The following SLC25A26 variants were observed in gnomAD, a reference collection of about 807,000 sequenced individuals.
SLC25A26 encodes mitochondrial S-adenosylmethionine carrier protein.
Under a neutral mutation model 37.8 loss-of-function variants are expected in SLC25A26, and 36 were observed. That is an observed-to-expected ratio of 0.95 (90% CI 0.73 to 1.26). The LOEUF is 1.26. SLC25A26 is among the 50% of genes most tolerant of loss of function. SLC25A26 has a pLI of 0.00. For missense variants in SLC25A26, 390 were observed against 331.1 expected, an observed-to-expected ratio of 1.18 and a Z score of -1.38; for synonymous variants, 129 against 122.5, an observed-to-expected ratio of 1.05 and a Z score of -0.35.
chr3:66,197,263 T>A (rs992780125), intron 1 of SLC25A26, among the ~76,000 whole-genome samples: 2 of 152,120 alleles, frequency 1.3e-5, no homozygotes, highest in African/African-American at 4.8e-5. Flanking sequence ...ATCGGTCAGA[T>A]TCAGGGTGAA....
At chr3:66,371,945 A>G (rs7631431) in intron 9 of SLC25A26, among the ~76,000 whole-genome samples, 37,765 of 151,988 alleles carry the variant, frequency 0.25, 4,852 homozygotes, top group Admixed American at 0.31. Flanking sequence ...AAATAAATAA[A>G]TAAATTAGCC....
chr3:66,299,086 A>G (rs1432438302), intron 5 of SLC25A26, among the ~76,000 whole-genome samples: 7 of 152,180 alleles, frequency 4.6e-5, no homozygotes, highest in Admixed American at 3.9e-4. Context: ...ATACGTACCT[A>G]TGTATACATT....
Position 66,290,016 on chromosome 3 carries a change from C to G in SLC25A26, c.453+26637C>G, listed in dbSNP as rs150908290. Among the ~76,000 whole-genome samples, 760 of 152,224 alleles carry G rather than the reference C, an allele frequency of 5.0e-3. 11 individuals carry two copies. The highest frequency in any genetic ancestry group is 0.014 in the African/African-American group (562 of 41,524). On this transcript the variant is annotated intron_variant, in intron 5 of 9. Transcript: ENST00000354883. Reference sequence around the variant, plus strand: ...CCTTGAGCAGTGGTTTGTAGTTCTCCTTGAAGAGGTCCTTCACATCTGTTG... The same window carrying G: ...CCTTGAGCAGTGGTTTGTAGTTCTCGTTGAAGAGGTCCTTCACATCTGTTG...
chr3:66,353,405 T>C (rs1035209527), intron 6 of SLC25A26, among the ~76,000 whole-genome samples: 1 of 152,200 alleles, frequency 6.6e-6, no homozygotes, highest in African/African-American at 2.4e-5. Context: ...AAGGAGAGTT[T>C]GAACGCCTTG....
At chr3:66,309,790 T>G (rs1306071558) in intron 5 of SLC25A26, among the ~76,000 whole-genome samples, 1 of 151,548 alleles carries the variant, frequency 6.6e-6, no homozygotes, top group African/African-American at 2.4e-5. Context: ...GCAGGTTGTT[T>G]CCGTGTAGTT....
chr3:66,373,417 G>C (rs1489529276), intron 9 of SLC25A26, among the ~76,000 whole-genome samples: 1 of 152,174 alleles, frequency 6.6e-6, no homozygotes, highest in East Asian at 1.9e-4. Flanking sequence ...TTCCATCTGT[G>C]TCTTGCCAGG....
intron 6 of SLC25A26, among the ~76,000 whole-genome samples, chr3:66,358,516 T>C (rs1386442880): frequency 1.3e-5 from 2 of 152,252 alleles, no homozygotes; most frequent in East Asian, 1.9e-4. Flanking sequence ...TGAATGCTTA[T>C]CTGTGTGTTA....
At chr3:66,217,310 A>G (rs2071376378), upstream of SLC25A26, among the ~76,000 whole-genome samples, 1 of 152,188 alleles carries the variant, frequency 6.6e-6, no homozygotes, top group African/African-American at 2.4e-5. Context: ...AATAAGATTT[A>G]TTTTCACTTA....
chr3:66,364,019 T>G (rs2076771548), intron 7 of SLC25A26, among the ~76,000 whole-genome samples: 1 of 151,746 alleles, frequency 6.6e-6, no homozygotes, highest in African/African-American at 2.4e-5. Context: ...CTAAGAGAGA[T>G]GTGCATTTTT....
At chr3:66,139,556 T>C (rs2070003482) in intron 1 of SLC25A26, among the ~76,000 whole-genome samples, 2 of 152,172 alleles carry the variant, frequency 1.3e-5, no homozygotes, top group African/African-American at 2.4e-5. Flanking sequence ...GCTCCTAGCC[T>C]ACAAAACAGT....
At chr3:66,283,420 A>G (rs546975942) in intron 5 of SLC25A26, among the ~76,000 whole-genome samples, 11 of 152,070 alleles carry the variant, frequency 7.2e-5, no homozygotes, top group African/African-American at 2.2e-4. Context: ...AGCTGGGACT[A>G]TAGACATGTA....
At chr3:66,322,128 A>G (rs547365193) in intron 5 of SLC25A26, among the ~76,000 whole-genome samples, 2 of 152,282 alleles carry the variant, frequency 1.3e-5, no homozygotes, top group East Asian at 3.9e-4. Context: ...TAAAATGCTT[A>G]TAAGGTATGA....
rs1576810575 is a variant in SLC25A26 at position 66,292,780 on chromosome 3, G to A, written c.453+29401G>A. ...CTTGACGATTATGTTGCTCTTTCTC[G>A]AGGAGTATCTTAGTGGTGTTCTCTG... On this transcript the variant is annotated intron_variant, in intron 5 of 9. Coordinates refer to ENST00000354883, the MANE Select transcript of SLC25A26 (RefSeq NM_001379210.1). Among the ~76,000 whole-genome samples the A allele has an allele frequency of 2.0e-5, 3 of 151,942 alleles. No individual in the cohort carries two copies. The East Asian group carries it at 5.8e-4, about 29-fold the overall frequency.
In SLC25A26 at chr3:66,378,906, A is replaced by G. The variant is rs1298395524; in HGVS notation, c.*1099A>G. 1.3e-5 allele frequency: 2 copies of G among 152,790 alleles called. No homozygotes were observed. Among genetic ancestry groups the G allele is most frequent in the East Asian group, 1.9e-4 (1 of 5,192 alleles). The allele number at this position is 152,790 out of a possible 1,614,324, so 9.5% of individuals were successfully genotyped here. ...ACTGTACCAAAATTTCTATAAATAA[A>G]TAACTTTGTACATAAAAGTAATACT... is the stretch of plus-strand genomic sequence containing the variant. On this transcript the variant is annotated 3_prime_UTR_variant, in exon 10 of 10. Transcript: ENST00000354883.
At position 66,198,201 on chromosome 3, in the gene SLC25A26, T is replaced by G. The variant is rs991629853; in HGVS notation, c.-353-22541T>G. ...CAGGATCACTGTCTAGGTCAGGGTG[T>G]TTTCAGAACAGGATGATAATTGAGG... On this transcript the variant is annotated intron_variant, in intron 1 of 10. Transcript: ENST00000676754. Among the ~76,000 whole-genome samples, 158 of 152,034 alleles carry G rather than the reference T, an allele frequency of 1.0e-3. 5 individuals carry two copies. The highest frequency in any genetic ancestry group is 3.5e-3 in the African/African-American group (145 of 41,472).
chr3:66,282,169 G>A lies in SLC25A26; in HGVS notation c.453+18790G>A, dbSNP rs543730529. Among the ~76,000 whole-genome samples the A allele has an allele frequency of 4.6e-3, 698 of 151,800 alleles. 10 individuals carry two copies. Among genetic ancestry groups the A allele is most frequent in the African/African-American group, 0.012 (499 of 41,416 alleles). On this transcript the variant is annotated intron_variant, in intron 5 of 9. Coordinates refer to ENST00000354883, the MANE Select transcript of SLC25A26 (RefSeq NM_001379210.1). ...TGGGACTACAGGCGCCTGCCACCGC[G>A]CCCGGCTAATTTTTTGTATTTTCAG... is the stretch of plus-strand genomic sequence containing the variant.
At chr3:66,166,806 A>G (rs945824195) in intron 1 of SLC25A26, among the ~76,000 whole-genome samples, 1 of 152,126 alleles carries the variant, frequency 6.6e-6, no homozygotes, top group Non-Finnish European at 1.5e-5. Flanking sequence ...CTCGTCAATG[A>G]TGATATAGTT....
intron 1 of SLC25A26, among the ~76,000 whole-genome samples, chr3:66,230,054 A>G (rs187451459): frequency 3.2e-4 from 48 of 152,358 alleles, no homozygotes; most frequent in African/African-American, 1.1e-3. Context: ...AACAGGGACC[A>G]CCAAGCAGTG....
intron 5 of SLC25A26, among the ~76,000 whole-genome samples, chr3:66,278,810 C>G (rs554276790): frequency 6.6e-6 from 1 of 152,318 alleles, no homozygotes; most frequent in South Asian, 2.1e-4. Flanking sequence ...GGAAAGACTT[C>G]TCTCAACTAT....
Sources: gnomAD v4.1 joint callset for allele counts (sites outside exome capture counted in the v4.1 genomes callset) on GRCh38, gnomAD v4.1.1 for gene constraint, MANE v1.5 for transcripts, NCBI Gene and HGNC (gene_info 2026-07-23, HGNC 2026-07-21) for gene names.